The following TMEM72 variants were observed in gnomAD, a reference collection of about 807,000 sequenced individuals.
TMEM72 encodes kidney-specific secretory protein of 37 kDa.
A neutral mutation model predicts 16.3 loss-of-function variants in TMEM72; 9 were observed. The ratio of observed to expected loss-of-function variants is 0.55; its 90% confidence interval spans 0.33 to 0.96. TMEM72 has a LOEUF of 0.96. Ranked by LOEUF, TMEM72 falls within the 40% of genes least tolerant of loss-of-function variation. The pLI is 0.03. For synonymous variants in TMEM72, 160 were observed against 146.5 expected, an observed-to-expected ratio of 1.09 and a Z score of -0.66; for missense variants, 324 against 337.8, an observed-to-expected ratio of 0.96 and a Z score of 0.32.
At chr10:44,911,641 C>T (rs1839939626) in intron 1 of TMEM72, 59 bp downstream of exon 1, 1 of 1,536,908 alleles carries the variant, frequency 6.5e-7, no homozygotes, top group Admixed American at 2.0e-5. Context: ...ATAGGGCTGC[C>T]TGAGGGGTGG....
Position 44,936,076 on chromosome 10 carries a change from G to A in TMEM72, c.*942G>A, listed in dbSNP as rs1301046318. ...GAAAATGGGAGGATAGGAGGAAGTG[G>A]GCAGGCAGGCAAGTTCTCTGCCATG... On this transcript the variant is annotated 3_prime_UTR_variant, in exon 5 of 5. Coordinates refer to ENST00000389583, the MANE Select transcript of TMEM72 (RefSeq NM_001123376.3). 4 of 152,238 alleles carry A rather than the reference G, an allele frequency of 2.6e-5. No individual in the cohort carries two copies. Among genetic ancestry groups the A allele is most frequent in the Non-Finnish European group, 4.4e-5 (3 of 68,054 alleles). The allele number at this position is 152,238 out of a possible 1,614,324, so 9.4% of individuals were successfully genotyped here.
chr10:44,931,855 C>A lies in TMEM72; in HGVS notation c.138-143C>A, dbSNP rs1840302155. Reference sequence around the variant, plus strand: ...GAACACGCCATGTCCTGGAGACAGCCCGTGGTGAATGTTGTCTGGGGGAAT... The same window carrying A: ...GAACACGCCATGTCCTGGAGACAGCACGTGGTGAATGTTGTCTGGGGGAAT... On this transcript the variant is annotated intron_variant, in intron 2 of 4. Transcript: ENST00000389583. 13 of 797,910 alleles carry A rather than the reference C, an allele frequency of 1.6e-5. No individual in the cohort carries two copies. In the South Asian group the frequency reaches 2.0e-4, roughly 12 times the overall value. The allele number at this position is 797,910 out of a possible 1,614,324, so 49.4% of individuals were successfully genotyped here.
intron 1 of TMEM72, among the ~76,000 whole-genome samples, chr10:44,912,699 A>G (rs2132707368): frequency 6.6e-6 from 1 of 152,320 alleles, no homozygotes; most frequent in Non-Finnish European, 1.5e-5. Flanking sequence ...GGCTAAGTGG[A>G]ACTGAGGATG....
intron 1 of TMEM72, among the ~76,000 whole-genome samples, chr10:44,926,979 G>A (rs749806955): frequency 4.9e-4 from 74 of 152,258 alleles, no homozygotes; most frequent in Non-Finnish European, 2.6e-4. Flanking sequence ...AGGAAGCAGC[G>A]CCACGAGCAG....
In TMEM72 at chr10:44,933,662, A is replaced by G; in HGVS notation, c.235A>G (p.Arg79Gly). The G allele has an allele frequency of 6.2e-7, 1 of 1,613,808 alleles. No homozygotes were observed. The highest frequency in any genetic ancestry group is 8.5e-7 in the Non-Finnish European group (1 of 1,179,792). The change falls in exon 4 of 5, where the codon AGA (arginine) becomes GGA (glycine). Residue 79 changes from arginine to glycine, a missense_variant. Arg to Gly is a moderately radical substitution (Grantham distance 125). Coordinates refer to ENST00000389583, the MANE Select transcript of TMEM72 (RefSeq NM_001123376.3). Reference sequence around the variant, plus strand: ...GTGTCAACCAGGGTCCCTGGCAGACAGAGTAAGGGAGAAAGCCCACTGGCT... The same window carrying G: ...GTGTCAACCAGGGTCCCTGGCAGACGGAGTAAGGGAGAAAGCCCACTGGCT... Reference protein sequence around the residue: ...FQCQPGSLADRVREKAHWLGC... With the variant: ...FQCQPGSLADGVREKAHWLGC...
intron 1 of TMEM72, among the ~76,000 whole-genome samples, chr10:44,916,130 A>C (rs1426818891): frequency 2.6e-5 from 4 of 152,186 alleles, no homozygotes; most frequent in South Asian, 2.1e-4. Context: ...CACTCTGCCC[A>C]AACACAGGGC....
chr10:44,926,874 T>G (rs1489364346), intron 1 of TMEM72, among the ~76,000 whole-genome samples: 1 of 151,798 alleles, frequency 6.6e-6, no homozygotes, highest in Non-Finnish European at 1.5e-5. Context: ...GAAGAGGCAT[T>G]TCAGCATTGG....
Position 44,932,045 on chromosome 10 carries a change from C to T in TMEM72, c.185C>T (p.Ala62Val), listed in dbSNP as rs1393694571. 6.2e-7 allele frequency: 1 copy of T among 1,613,372 alleles called. No homozygotes were observed. Among genetic ancestry groups the T allele is most frequent in the Non-Finnish European group, 8.5e-7 (1 of 1,179,708 alleles). Residue 62 changes from alanine (A) to valine (V), a missense_variant, in exon 3 of 5, where the codon GCT (alanine) becomes GTT (valine). Transcript: ENST00000389583. ...VSICEGAYFVAQLLAICFQCQ... is the reference protein window; with the variant it reads ...VSICEGAYFVVQLLAICFQCQ... ...ATATGTGAAGGGGCCTACTTTGTGG[C>T]TCAGCTGCTGGCCATCTGCTTCCAG... is the stretch of plus-strand genomic sequence containing the variant.
At chr10:44,911,734 T>C (rs1839941232) in intron 1 of TMEM72, 152 bp downstream of exon 1, 4 of 841,760 alleles carry the variant, frequency 4.8e-6, no homozygotes, top group Non-Finnish European at 3.7e-6. Context: ...CACTGCTCTG[T>C]AGAGCAGCAG....
At chr10:44,925,432 T>C (rs1013884446) in intron 1 of TMEM72, among the ~76,000 whole-genome samples, 1 of 152,252 alleles carries the variant, frequency 6.6e-6, no homozygotes, top group Non-Finnish European at 1.5e-5. Context: ...GTGGAGCCCA[T>C]GCCTGTCCTA....
intron 1 of TMEM72, among the ~76,000 whole-genome samples, chr10:44,912,690 G>A (rs962906926): frequency 6.6e-6 from 1 of 152,196 alleles, no homozygotes; most frequent in African/African-American, 2.4e-5. Flanking sequence ...ACTGAGCATG[G>A]CTAAGTGGAA....
At chr10:44,925,233 A>C (rs1301896832) in intron 1 of TMEM72, among the ~76,000 whole-genome samples, 1 of 152,140 alleles carries the variant, frequency 6.6e-6, no homozygotes, top group African/African-American at 2.4e-5. Context: ...AGTGTTCCTC[A>C]AATGCCCCTC....
intron 1 of TMEM72, among the ~76,000 whole-genome samples, chr10:44,926,018 CAT>C (rs749134975): frequency 2.0e-5 from 3 of 151,206 alleles, no homozygotes; most frequent in Non-Finnish European, 2.9e-5. Flanking sequence ...CATTCACACA[CAT>C]ACACTCACAC....
At position 44,934,659 on chromosome 10, in the gene TMEM72, C is replaced by T; in HGVS notation, c.353C>T (p.Ser118Phe). ...CTGACCTCTGGCTCTTTTCCAGGCTCCATGCTCATCATCACCGGCCTGGCC... is the reference window on the plus strand; with the variant it reads ...CTGACCTCTGGCTCTTTTCCAGGCTTCATGCTCATCATCACCGGCCTGGCC... The part of the protein sequence containing the change: ...VLVWHVTIPG[S>F]MLIITGLAYF... The change falls in exon 5 of 5, where the codon TCC becomes TTC. Residue 118 changes from serine to phenylalanine, a missense_variant. Transcript: ENST00000389583. 1 of 1,571,452 alleles carries T rather than the reference C, an allele frequency of 6.4e-7. No homozygotes were observed. The highest frequency in any genetic ancestry group is 1.4e-5 in the African/African-American group (1 of 73,174).
chr10:44,934,767 G>A lies in TMEM72; in HGVS notation c.461G>A (p.Ser154Asn), dbSNP rs374615192. Reference protein sequence around the residue: ...ASPEQYTDPSSSAVSTTGSGD... With the variant: ...ASPEQYTDPSNSAVSTTGSGD... ...CCAGAGCAGTACACAGACCCCTCTA[G>A]CAGCGCTGTGAGCACCACCGGCTCT... Residue 154 changes from serine (S) to asparagine (N), a missense_variant, in exon 5 of 5, where the codon AGC becomes AAC. Physicochemically the swap from Ser to Asn is conservative, Grantham distance 46. Transcript: ENST00000389583. The A allele has an allele frequency of 9.9e-6, 16 of 1,613,440 alleles. No individual in the cohort carries two copies. Among genetic ancestry groups the A allele is most frequent in the Middle Eastern group, 1.6e-4 (1 of 6,084 alleles).
intron 1 of TMEM72, among the ~76,000 whole-genome samples, chr10:44,925,704 T>C (rs1840175678): frequency 6.6e-6 from 1 of 152,188 alleles, no homozygotes; most frequent in East Asian, 1.9e-4. Flanking sequence ...CCGTGGTTGG[T>C]TGGTTGGTTT....
chr10:44,935,296 T>C lies in TMEM72; in HGVS notation c.*162T>C. On this transcript the variant is annotated 3_prime_UTR_variant, in exon 5 of 5. Coordinates refer to ENST00000389583, the MANE Select transcript of TMEM72 (RefSeq NM_001123376.3). ...CATCAGGAGGTGTGACTGGCCAGCA[T>C]TTCTGGAGAGGCCTCGAGGGAGGCA... 1.5e-6 allele frequency: 1 copy of C among 654,400 alleles called. No homozygotes were observed. Among genetic ancestry groups the C allele is most frequent in the Non-Finnish European group, 2.5e-6 (1 of 407,338 alleles). 40.5% of individuals were successfully genotyped at this position (654,400 alleles called of 1,614,324 possible). A position where few individuals can be genotyped will look rare whatever the true frequency, so the allele number is the denominator to read the frequency against.
At chr10:44,932,869 G>A (rs1207737897) in intron 3 of TMEM72, among the ~76,000 whole-genome samples, 1 of 152,210 alleles carries the variant, frequency 6.6e-6, no homozygotes, top group Non-Finnish European at 1.5e-5. Context: ...GCAGGAATGG[G>A]CACCAGGGGG....
chr10:44,913,659 G>A (rs935460974), intron 1 of TMEM72, among the ~76,000 whole-genome samples: 1 of 152,230 alleles, frequency 6.6e-6, no homozygotes, highest in African/African-American at 2.4e-5. Context: ...GCTTTCTAGA[G>A]TGCTGGGAGG....
Sources: gnomAD v4.1 joint callset for allele counts (sites outside exome capture counted in the v4.1 genomes callset) on GRCh38, gnomAD v4.1.1 for gene constraint, MANE v1.5 for transcripts, NCBI Gene and HGNC (gene_info 2026-07-23, HGNC 2026-07-21) for gene names.